Variants in FHIP1A observed in about 807,000 individuals in gnomAD.
The protein encoded by FHIP1A is FHF complex subunit HOOK-interacting protein 1A.
FHIP1A carries 61 observed loss-of-function variants against 88.6 expected under a neutral mutation model. That is an observed-to-expected ratio of 0.69 (90% CI 0.56 to 0.85). FHIP1A has a LOEUF of 0.85. Ranked by LOEUF, FHIP1A falls within the 40% of genes least tolerant of loss-of-function variation. FHIP1A has a pLI of 0.00. For synonymous variants in FHIP1A, 478 were observed against 496.0 expected (o/e 0.96, Z 0.48); for missense variants, 1,154 against 1,273.5 (o/e 0.91, Z 1.43).
intron 7 of FHIP1A, among the ~76,000 whole-genome samples, chr4:151,621,208 C>T (rs973773180): frequency 2.6e-5 from 4 of 152,024 alleles, no homozygotes; most frequent in African/African-American, 7.3e-5. Context: ...GTCTGACTTG[C>T]GTTTCAGGTG....
Position 151,657,790 on chromosome 4 carries a change from A to G in FHIP1A, c.2869+892A>G, listed in dbSNP as rs189235587. Among the ~76,000 whole-genome samples, 244 of 152,332 alleles carry G rather than the reference A, an allele frequency of 1.6e-3. 1 individual carries two copies. The highest frequency in any genetic ancestry group is 0.01 in the Middle Eastern group (3 of 294). On this transcript the variant is annotated intron_variant, in intron 13 of 13. Transcript: ENST00000435205. ...ACAAGACTGGCAGTGAGCGGCAGAA[A>G]TGAAACTCAGGGCAATTGTTCCACC... is the stretch of plus-strand genomic sequence containing the variant.
rs938880497 is a variant in FHIP1A, at chr4:151,465,551, C to T, written c.-248+10743C>T. Among the ~76,000 whole-genome samples, 4 of 152,318 alleles carry T rather than the reference C, an allele frequency of 2.6e-5. No individual in the cohort carries two copies. In the East Asian group the frequency reaches 5.8e-4, roughly 22 times the overall value. ...GGCCAGCGTCATCCTGATACCAAAA[C>T]CTGGCAGAGATACAACAGCAACAAA... On this transcript the variant is annotated intron_variant, in intron 2 of 13. Transcript: ENST00000435205.
intron 3 of FHIP1A, among the ~76,000 whole-genome samples, chr4:151,526,193 A>G (rs190533837): frequency 0.017 from 2,604 of 151,594 alleles, 34 homozygotes; most frequent in African/African-American, 0.041. Flanking sequence ...CGATTTCTCA[A>G]TCTCTTCCCC....
intron 7 of FHIP1A, among the ~76,000 whole-genome samples, chr4:151,604,331 T>C (rs1222324230): frequency 6.6e-6 from 1 of 152,160 alleles, no homozygotes; most frequent in Non-Finnish European, 1.5e-5. Flanking sequence ...CCCTGCTCTT[T>C]CCTGAAACCC....
At chr4:151,543,816 A>G (rs1253414824) in intron 3 of FHIP1A, among the ~76,000 whole-genome samples, 1 of 152,232 alleles carries the variant, frequency 6.6e-6, no homozygotes, top group Admixed American at 6.5e-5. Flanking sequence ...TTTTATAACT[A>G]GAAACATTTC....
intron 1 of FHIP1A, among the ~76,000 whole-genome samples, chr4:151,430,019 A>G (rs1011559009): frequency 6.6e-6 from 1 of 152,136 alleles, no homozygotes; most frequent in Non-Finnish European, 1.5e-5. Context: ...TTGTTCCTAA[A>G]ATGTTTAGAG....
At chr4:151,443,724 T>TGTGTGTGTGTGTGTGTGTGTGTG (rs370363970) in intron 1 of FHIP1A, among the ~76,000 whole-genome samples, 10 of 148,170 alleles carry the variant, frequency 6.7e-5, no homozygotes, top group Non-Finnish European at 1.3e-4. Flanking sequence ...TGTGTGTGTG[T>TGTGTGTGTGTGTGTGTGTGTGTG]TTAGTACTGG....
rs1039990601 is a variant in FHIP1A, at chr4:151,540,604, T to G, written c.-122-25534T>G. On this transcript the variant is annotated intron_variant, in intron 3 of 13. Coordinates refer to ENST00000435205, the MANE Select transcript of FHIP1A (RefSeq NM_001109977.3). ...TTCAGAATACTCTACAGCAGTAAAA[T>G]TGGGTATAATAAACTATCCTTACTT... Among the ~76,000 whole-genome samples, 14 of 152,288 alleles carry G rather than the reference T, an allele frequency of 9.2e-5. 1 individual carries two copies. Among genetic ancestry groups the G allele is most frequent in the Non-Finnish European group, 2.1e-4 (14 of 68,028 alleles).
At chr4:151,566,717 A>C (rs1463604814) in intron 4 of FHIP1A, among the ~76,000 whole-genome samples, 1 of 152,086 alleles carries the variant, frequency 6.6e-6, no homozygotes, top group Non-Finnish European at 1.5e-5. Context: ...TCCAGTTCTT[A>C]AGCTCTAATA....
intron 3 of FHIP1A, among the ~76,000 whole-genome samples, chr4:151,528,521 G>T (rs1731763273): frequency 6.6e-6 from 1 of 152,204 alleles, no homozygotes; most frequent in Non-Finnish European, 1.5e-5. Flanking sequence ...CCCCAAAGGT[G>T]CTCCAGAAAA....
At chr4:151,552,825 TA>T (rs201295653) in intron 3 of FHIP1A, among the ~76,000 whole-genome samples, 171 of 139,570 alleles carry the variant, frequency 1.2e-3, no homozygotes, top group East Asian at 3.3e-3. Context: ...AAAGTATAAT[TA>T]AAAAAAAAAA....
rs147624970 is a variant in FHIP1A, at chr4:151,558,188, G to A, written c.-122-7950G>A. 4.3e-3 allele frequency among the ~76,000 whole-genome samples: 648 copies of A among 152,280 alleles called. 5 individuals are homozygous for A. The highest frequency in any genetic ancestry group is 5.9e-3 in the Non-Finnish European group (398 of 68,014). On this transcript the variant is annotated intron_variant, in intron 3 of 13. Transcript: ENST00000435205. ...GTTTTCAGAATAAATCTTAGTTGGA[G>A]AGAATAGGTTTTGTACGAGTAGAAA...
At chr4:151,555,006 TA>T (rs1413411428) in intron 3 of FHIP1A, among the ~76,000 whole-genome samples, 1 of 152,210 alleles carries the variant, frequency 6.6e-6, no homozygotes, top group Non-Finnish European at 1.5e-5. Flanking sequence ...AATTATTTTT[TA>T]ATCACTTTTT....
chr4:151,442,819 T>C (rs1249615666), intron 1 of FHIP1A, among the ~76,000 whole-genome samples: 1 of 152,220 alleles, frequency 6.6e-6, no homozygotes, highest in Non-Finnish European at 1.5e-5. Flanking sequence ...TTGTGTCTTT[T>C]TGTTATATAC....
chr4:151,485,427 C>T (rs144123616), intron 3 of FHIP1A, among the ~76,000 whole-genome samples: 1 of 151,690 alleles, frequency 6.6e-6, no homozygotes, highest in Non-Finnish European at 1.5e-5. Context: ...GTGTATAGTG[C>T]CACACTGAAC....
At chr4:151,610,282 T>G (rs1392352978) in intron 7 of FHIP1A, among the ~76,000 whole-genome samples, 1 of 152,252 alleles carries the variant, frequency 6.6e-6, no homozygotes, top group East Asian at 1.9e-4. Flanking sequence ...TTGTTTTTAT[T>G]GTTACATACT....
intron 8 of FHIP1A, among the ~76,000 whole-genome samples, chr4:151,634,992 A>G (rs1034161055): frequency 1.3e-5 from 2 of 151,808 alleles, no homozygotes; most frequent in Admixed American, 6.6e-5. Flanking sequence ...TATGAGTCAT[A>G]TATCTGATAG....
intron 3 of FHIP1A, among the ~76,000 whole-genome samples, chr4:151,538,037 T>A (rs1429004258): frequency 6.6e-6 from 1 of 152,190 alleles, no homozygotes; most frequent in Non-Finnish European, 1.5e-5. Flanking sequence ...TGGGGATTCA[T>A]GGGTAAGGGA....
At chr4:151,556,236 A>T (rs1487427064) in intron 3 of FHIP1A, among the ~76,000 whole-genome samples, 1 of 152,180 alleles carries the variant, frequency 6.6e-6, no homozygotes, top group Non-Finnish European at 1.5e-5. Context: ...TAATTTCCTT[A>T]CCAGTTCATT....
Sources: allele counts gnomAD v4.1 joint callset (sites outside exome capture counted in the v4.1 genomes callset), GRCh38; gene constraint gnomAD v4.1.1; transcripts MANE v1.5; gene names NCBI Gene and HGNC (gene_info 2026-07-23, HGNC 2026-07-21).